SLC38A10: variants seen among roughly 807,000 people sequenced by gnomAD.
SLC38A10 encodes the protein solute carrier family 38 member 10.
In SLC38A10, 53 loss-of-function variants were observed where a neutral mutation model predicts 81.0. The observed-to-expected ratio is 0.65, with a 90% CI of 0.53 to 0.82. The LOEUF (loss-of-function observed/expected upper bound fraction) is 0.82, where lower values mean the gene tolerates loss of function less well. SLC38A10 is among the 40% of genes least tolerant of loss of function. The pLI, the probability that SLC38A10 is intolerant of heterozygous loss-of-function variation, is 0.00. For missense variants in SLC38A10, 1,471 were observed against 1,545.0 expected (o/e 0.95, Z 0.80); for synonymous variants, 665 against 655.3 (o/e 1.01, Z -0.23).
In SLC38A10 at chr17:81,286,143, C is replaced by G. The variant is rs2063265055; in HGVS notation, c.218-1248G>C. Among the ~76,000 whole-genome samples the G allele has an allele frequency of 1.3e-5, 2 of 152,252 alleles. No homozygotes were observed. Among genetic ancestry groups the G allele is most frequent in the African/African-American group, 4.8e-5 (2 of 41,468 alleles). ...TGTCACCAAGGAACGCCCTCCACAC[C>G]CCTCAGTGACGGCACAGCCCGGAAG... On this transcript the variant is annotated intron_variant, in intron 2 of 15. Coordinates refer to ENST00000374759, the MANE Select transcript of SLC38A10 (RefSeq NM_001037984.3). This position sits in a 1 kb window ranked among gnomAD's most constrained non-coding sequence, Gnocchi z 6.0.
chr17:81,254,036 C>T (rs999543642), intron 11 of SLC38A10, among the ~76,000 whole-genome samples: 1 of 152,200 alleles, frequency 6.6e-6, no homozygotes, highest in African/African-American at 2.4e-5. Flanking sequence ...CCGTCACCTC[C>T]ACCGTCACTG....
chr17:81,280,296 C>G, intron 6 of SLC38A10: 2 of 494,290 alleles, frequency 4.0e-6, no homozygotes, highest in South Asian at 3.9e-5. Context: ...AAGCGCTCGA[C>G]TCTGTGCAGT....
In SLC38A10 at chr17:81,286,959, C is replaced by T. The variant is rs1027539886; in HGVS notation, c.218-2064G>A. Among the ~76,000 whole-genome samples, 33 of 152,096 alleles carry T rather than the reference C, an allele frequency of 2.2e-4. No homozygotes were observed. The highest frequency in any genetic ancestry group is 7.7e-4 in the African/African-American group (32 of 41,388). ...GGCTCAGAACAGCTTCATGAGAAGC[C>T]GCGACAGCTGAAGGAGGCTGAATGA... On this transcript the variant is annotated intron_variant, in intron 2 of 15. Coordinates refer to ENST00000374759, the MANE Select transcript of SLC38A10 (RefSeq NM_001037984.3). This position sits in a 1 kb window ranked among gnomAD's most constrained non-coding sequence, Gnocchi z 6.0.
At chr17:81,284,064 A>G (rs1441941630) in intron 3 of SLC38A10, among the ~76,000 whole-genome samples, 2 of 149,728 alleles carry the variant, frequency 1.3e-5, no homozygotes, top group East Asian at 2.0e-4. Context: ...AGTTACAAAA[A>G]TCTCCATGAT....
intron 10 of SLC38A10, among the ~76,000 whole-genome samples, chr17:81,261,169 G>T (rs758053585): frequency 2.0e-5 from 3 of 152,220 alleles, no homozygotes; most frequent in Non-Finnish European, 2.9e-5. Context: ...AGCATCACAC[G>T]TGCCGCCTCG....
At chr17:81,260,446 G>GC (rs1213054102) in intron 10 of SLC38A10, 52 bp from the exon 11 acceptor site, 1 of 1,559,688 alleles carries the variant, frequency 6.4e-7, no homozygotes, top group East Asian at 2.3e-5. Context: ...CCCCGCCCCT[G>GC]CCCAGGGTAT....
rs1288628339 is a variant in SLC38A10 at position 81,295,248 on chromosome 17, G to A, written c.-327C>T. 3.0e-5 allele frequency: 5 copies of A among 165,194 alleles called. No homozygotes were observed. The highest frequency in any genetic ancestry group is 5.2e-5 in the Non-Finnish European group (4 of 76,318). The allele number at this position is 165,194 out of a possible 1,614,324, so 10.2% of individuals were successfully genotyped here. On this transcript the variant is annotated 5_prime_UTR_variant, in exon 1 of 16. Transcript: ENST00000374759. Reference sequence around the variant, plus strand: ...CTCCGAGCCCAGACCCGGAAGAGCCGCAGAGCCAGCTAGGGACACCTCAGC... The same window carrying A: ...CTCCGAGCCCAGACCCGGAAGAGCCACAGAGCCAGCTAGGGACACCTCAGC...
At chr17:81,247,403 A>T (rs1297714210) in intron 14 of SLC38A10, 1 of 232,480 alleles carries the variant, frequency 4.3e-6, no homozygotes, top group Non-Finnish European at 8.3e-6. Flanking sequence ...CTCGTTGCCC[A>T]TGGAAGTGAG....
At position 81,251,496 on chromosome 17, in the gene SLC38A10, C is replaced by A. The variant is rs1276510441; in HGVS notation, c.2062G>T (p.Glu688Ter). The change falls in exon 14 of 16, where the codon GAG becomes TAG. Residue 688 changes from glutamate to a stop codon, truncating the protein, a stop_gained. Transcript: ENST00000374759. LOFTEE classifies it high-confidence loss of function. ...AGGNQAASQL[E>*]EAGRAEMLDH... The stretch of plus-strand genomic sequence containing the variant: ...GGCTGTAGGGCGGAGGCCTTACCCT[C>A]CAGCTGGCTGGCCGCCTGGTTTCCA... 6.2e-7 allele frequency: 1 copy of A among 1,601,470 alleles called. No homozygotes were observed. Among genetic ancestry groups the A allele is most frequent in the South Asian group, 1.1e-5 (1 of 89,988 alleles).
chr17:81,247,382 C>T (rs956752393), intron 14 of SLC38A10: 2 of 267,036 alleles, frequency 7.5e-6, no homozygotes, highest in South Asian at 3.0e-4. Flanking sequence ...GGCAGGACCC[C>T]AGCAAGCCTG....
chr17:81,280,969 C>T (rs968438035), intron 5 of SLC38A10, among the ~76,000 whole-genome samples: 4 of 152,232 alleles, frequency 2.6e-5, no homozygotes, highest in Admixed American at 6.5e-5. Flanking sequence ...TGGTTCATCC[C>T]GCGGGCACCA....
chr17:81,254,048 C>T (rs1385021209), intron 11 of SLC38A10, among the ~76,000 whole-genome samples: 1 of 152,132 alleles, frequency 6.6e-6, no homozygotes, highest in African/African-American at 2.4e-5. Flanking sequence ...CCGTCACTGC[C>T]ATCACCTCCA....
At chr17:81,280,073 C>T (rs576427553) in intron 6 of SLC38A10, 31 of 431,224 alleles carry the variant, frequency 7.2e-5, no homozygotes, top group African/African-American at 3.0e-4. Flanking sequence ...ATGTTCCAAC[C>T]GGGCACGAAT....
Position 81,246,227 on chromosome 17 carries a change from T to G in SLC38A10, c.2689A>C (p.Lys897Gln). 12 of 1,612,686 alleles carry G rather than the reference T, an allele frequency of 7.4e-6. No homozygotes were observed. The highest frequency in any genetic ancestry group is 1.0e-5 in the Non-Finnish European group (12 of 1,179,930). The change falls in exon 16 of 16, where the codon AAG becomes CAG. Residue 897 changes from lysine (K) to glutamine (Q), a missense_variant. This residue lies in a region of SLC38A10 where 751 missense variants were observed against 717.4 expected (regional missense o/e 1.05). Transcript: ENST00000374759. ...CTGGTGCCAGTGGCTGCCACCTCCT[T>G]CCCAGGTTTTTTCCTGTCTTGGGAA... ...GGSQDRKKPG[K>Q]EVAATGTSIL...
At chr17:81,255,975 C>T (rs551238936) in intron 11 of SLC38A10, among the ~76,000 whole-genome samples, 10 of 151,904 alleles carry the variant, frequency 6.6e-5, no homozygotes, top group African/African-American at 2.2e-4. Flanking sequence ...GAGCGAGACT[C>T]CATCTCAAAA....
chr17:81,279,892 G>A (rs985431330), intron 6 of SLC38A10: 2 of 206,206 alleles, frequency 9.7e-6, no homozygotes, highest in African/African-American at 2.3e-5. Flanking sequence ...TTTGGATCTC[G>A]CATGTGGGTG....
In SLC38A10 at chr17:81,244,822, G is replaced by C. The variant is rs868132350; in HGVS notation, c.*734C>G. On this transcript the variant is annotated 3_prime_UTR_variant, in exon 16 of 16. Transcript: ENST00000374759. Reference sequence around the variant, plus strand: ...ACCAACTTCACTAATCAGGTTATCAGTGGTGTTTTTTACTTTTTAAAAAAA... The same window carrying C: ...ACCAACTTCACTAATCAGGTTATCACTGGTGTTTTTTACTTTTTAAAAAAA... Among the ~76,000 whole-genome samples the C allele has an allele frequency of 2.0e-5, 3 of 152,192 alleles. No individual in the cohort carries two copies. The highest frequency in any genetic ancestry group is 7.2e-5 in the African/African-American group (3 of 41,444).
In SLC38A10 at chr17:81,245,804, T is replaced by A. The variant is rs774025565; in HGVS notation, c.3112A>T (p.Asn1038Tyr). 1.9e-6 allele frequency: 3 copies of A among 1,605,148 alleles called. No homozygotes were observed. The highest frequency in any genetic ancestry group is 2.6e-6 in the Non-Finnish European group (3 of 1,174,138). ...GGQRPDNAKPNRDLKLQAGSD... is the reference protein window; with the variant it reads ...GGQRPDNAKPYRDLKLQAGSD... ...CCAGCCTGCAGTTTCAGGTCCCGGT[T>A]GGGCTTGGCATTGTCCGGCCTCTGG... Residue 1038 changes from asparagine (N) to tyrosine (Y), a missense_variant, in exon 16 of 16, where the codon AAC becomes TAC. This residue lies in a region of SLC38A10 where 751 missense variants were observed against 717.4 expected (regional missense o/e 1.05). Coordinates refer to ENST00000374759, the MANE Select transcript of SLC38A10 (RefSeq NM_001037984.3).
At chr17:81,279,320 C>A (rs1209058061) in intron 6 of SLC38A10, among the ~76,000 whole-genome samples, 1 of 152,236 alleles carries the variant, frequency 6.6e-6, no homozygotes, top group Non-Finnish European at 1.5e-5. Context: ...GAGACCTGGC[C>A]CCAGCTGGCA....
Sources: gnomAD v4.1 joint callset for allele counts (sites outside exome capture counted in the v4.1 genomes callset) on GRCh38, gnomAD v4.1.1 for gene constraint, gnomAD v4.1.1 regional missense constraint, Gnocchi (gnomAD v3.1) non-coding constraint, MANE v1.5 for transcripts, NCBI Gene and HGNC (gene_info 2026-07-23, HGNC 2026-07-21) for gene names.